ISX: variants seen among roughly 807,000 people sequenced by gnomAD.
ISX encodes intestine-specific homeobox.
ISX carries 15 observed loss-of-function variants against 16.9 expected under a neutral mutation model. That is an observed-to-expected ratio of 0.89 (90% CI 0.59 to 1.36). The LOEUF is 1.36. Among genes scored for constraint, ISX ranks in the 40% most tolerant of loss-of-function variants. The probability of loss-of-function intolerance (pLI) is 0.00; values close to 1 mark genes in which losing one functional copy is unlikely to be tolerated. For synonymous variants in ISX, 125 were observed against 119.7 expected (o/e 1.04, Z -0.29); for missense variants, 316 against 306.1 (o/e 1.03, Z -0.24).
At chr22:35,081,481 C>T (rs1488520668) in intron 2 of ISX, among the ~76,000 whole-genome samples, 1 of 152,202 alleles carries the variant, frequency 6.6e-6, no homozygotes, top group East Asian at 1.9e-4. Context: ...TTAGTGGAAT[C>T]CAGTGGAACA....
At chr22:35,081,272 G>A (rs2899240) in intron 2 of ISX, among the ~76,000 whole-genome samples, 70,721 of 152,052 alleles carry the variant, frequency 0.47, 17,466 homozygotes, top group Middle Eastern at 0.59. Flanking sequence ...GATGTGTTAT[G>A]GATATGGTAA....
intron 2 of ISX, among the ~76,000 whole-genome samples, chr22:35,074,305 G>C (rs994913884): frequency 2.0e-5 from 3 of 152,208 alleles, no homozygotes; most frequent in African/African-American, 7.2e-5. Flanking sequence ...TGAGACCAGC[G>C]GGTGTGGCTG....
chr22:35,084,585 G>C, intron 4 of ISX, 86 bp downstream of exon 4: 1 of 829,872 alleles, frequency 1.2e-6, no homozygotes, highest in Non-Finnish European at 1.9e-6. Flanking sequence ...GAAGCACCTC[G>C]GGGGCTCTGT....
At chr22:35,072,039 C>A (rs1928867389) in intron 2 of ISX, among the ~76,000 whole-genome samples, 1 of 152,216 alleles carries the variant, frequency 6.6e-6, no homozygotes, top group South Asian at 2.1e-4. Flanking sequence ...CAGGAGCTCC[C>A]ATCAGAGCAG....
chr22:35,082,764 A>G (rs1351006568), intron 3 of ISX, 95 bp downstream of exon 3: 1 of 1,338,956 alleles, frequency 7.5e-7, no homozygotes, highest in Non-Finnish European at 1.0e-6. Context: ...TGCCCCATCT[A>G]AAAGTTTCTG....
At chr22:35,079,784 T>G in intron 2 of ISX, among the ~76,000 whole-genome samples, 1 of 152,180 alleles carries the variant, frequency 6.6e-6, no homozygotes, top group Non-Finnish European at 1.5e-5. Flanking sequence ...TTGTGCCTTT[T>G]CTACAATCCC....
At chr22:35,075,729 T>C (rs1420040140) in intron 2 of ISX, among the ~76,000 whole-genome samples, 1 of 152,094 alleles carries the variant, frequency 6.6e-6, no homozygotes, top group Non-Finnish European at 1.5e-5. Context: ...AGACCACAGG[T>C]ATGGAAGATG....
chr22:35,070,177 A>G (rs1928812638), intron 2 of ISX, among the ~76,000 whole-genome samples: 1 of 152,230 alleles, frequency 6.6e-6, no homozygotes, highest in Non-Finnish European at 1.5e-5. Context: ...GGTAGGGACC[A>G]AGGTCCCCCC....
At chr22:35,068,239 T>C (rs182690153) in intron 2 of ISX, among the ~76,000 whole-genome samples, 1 of 152,174 alleles carries the variant, frequency 6.6e-6, no homozygotes, top group African/African-American at 2.4e-5. Context: ...CTCTCCCCTT[T>C]TCACCCCTTT....
In ISX at chr22:35,083,126, G is replaced by A. The variant is rs5999700; in HGVS notation, c.381+457G>A. ...GCACAAAAGCAGCCTCAGAAAATAT[G>A]TAAACACACTTTATTTATGAACATG... is the stretch of plus-strand genomic sequence containing the variant. On this transcript the variant is annotated intron_variant, in intron 3 of 4. Coordinates refer to ENST00000404699, the MANE Select transcript of ISX (RefSeq NM_001303508.2). Among the ~76,000 whole-genome samples the A allele has an allele frequency of 1.8e-3, 276 of 152,304 alleles. 3 individuals carry two copies. The highest frequency in any genetic ancestry group is 6.2e-3 in the African/African-American group (256 of 41,564).
At chr22:35,080,470 C>A (rs1247648482) in intron 2 of ISX, among the ~76,000 whole-genome samples, 3 of 152,096 alleles carry the variant, frequency 2.0e-5, no homozygotes, top group Admixed American at 6.6e-5. Context: ...TTTGCTCAAG[C>A]CAAAACCAAA....
intron 2 of ISX, among the ~76,000 whole-genome samples, chr22:35,076,600 G>A (rs4821360): frequency 0.42 from 63,170 of 151,984 alleles, 13,990 homozygotes; most frequent in Non-Finnish European, 0.5. Context: ...TTCAGAAGAC[G>A]AGGATGAGGC....
chr22:35,072,604 C>A (rs1928884520), intron 2 of ISX, among the ~76,000 whole-genome samples: 1 of 152,080 alleles, frequency 6.6e-6, no homozygotes, highest in African/African-American at 2.4e-5. Context: ...ATCATAGGGC[C>A]CAGAATGTCA....
chr22:35,084,246 G>A, intron 3 of ISX, 137 bp from the exon 4 acceptor site: 2 of 583,422 alleles, frequency 3.4e-6, no homozygotes, highest in Non-Finnish European at 5.9e-6. Context: ...CAGATCCAAA[G>A]ACATCCTGGA....
intron 4 of ISX, 134 bp downstream of exon 4, chr22:35,084,633 A>G: frequency 1.7e-6 from 1 of 576,950 alleles, no homozygotes; most frequent in Non-Finnish European, 3.0e-6. Flanking sequence ...TATTAGAAAC[A>G]GCATGGGGCA....
intron 2 of ISX, among the ~76,000 whole-genome samples, chr22:35,076,665 C>A (rs573908447): frequency 6.6e-6 from 1 of 152,266 alleles, no homozygotes; most frequent in South Asian, 2.1e-4. Context: ...GCTGCTCAAC[C>A]AGGACCAATT....
rs971426040 is a variant in ISX, at chr22:35,067,253, G to C, written c.166G>C (p.Gly56Arg). 2 of 1,606,068 alleles carry C rather than the reference G, an allele frequency of 1.2e-6. No homozygotes were observed. The highest frequency in any genetic ancestry group is 2.2e-5 in the South Asian group (2 of 89,276). ...MDRPEGPGEE[G>R]PGEAAASGSG... ...CAGACCAGAAGGGCCAGGTGAAGAG[G>C]GCCCCGGAGAAGCTGCGGCCTCAGG... The change falls in exon 2 of 5, where the codon GGC becomes CGC. Residue 56 changes from glycine to arginine, a missense_variant. Gly to Arg is a moderately radical substitution (Grantham distance 125). Coordinates refer to ENST00000404699, the MANE Select transcript of ISX (RefSeq NM_001303508.2).
chr22:35,067,996 A>G (rs1174418352), intron 2 of ISX, among the ~76,000 whole-genome samples: 1 of 152,220 alleles, frequency 6.6e-6, no homozygotes, highest in African/African-American at 2.4e-5. Context: ...GCACTGGGGC[A>G]TTGGTGTGGA....
chr22:35,085,894 C>T lies in ISX; in HGVS notation c.*201C>T. The T allele has an allele frequency of 1.6e-6, 1 of 628,600 alleles. No individual in the cohort carries two copies. The highest frequency in any genetic ancestry group is 2.8e-6 in the Non-Finnish European group (1 of 363,148). 38.9% of individuals were successfully genotyped at this position (628,600 alleles called of 1,614,324 possible). A position where few individuals can be genotyped will look rare whatever the true frequency, so the allele number is the denominator to read the frequency against. The stretch of plus-strand genomic sequence containing the variant: ...ACAATAAAGGACAGCTCTCTTCTCT[C>T]CTGGCTAAAGCTGCTCTCCTGGTTC... On this transcript the variant is annotated 3_prime_UTR_variant, in exon 5 of 5. Transcript: ENST00000404699.
Sources: allele counts gnomAD v4.1 joint callset (sites outside exome capture counted in the v4.1 genomes callset), GRCh38; gene constraint gnomAD v4.1.1; transcripts MANE v1.5; gene names NCBI Gene and HGNC (gene_info 2026-07-23, HGNC 2026-07-21).